PRKG1: variants seen among roughly 807,000 people sequenced by gnomAD.
PRKG1 encodes the protein protein kinase cGMP-dependent 1.
In PRKG1, 35 loss-of-function variants were observed where a neutral mutation model predicts 88.1. The ratio of observed to expected loss-of-function variants is 0.40; its 90% CI spans 0.30 to 0.53. PRKG1 has a LOEUF of 0.53. Among genes scored for constraint, PRKG1 ranks in the 20% least tolerant of loss-of-function variants. PRKG1 has a pLI of 0.59. For missense variants in PRKG1, 540 were observed against 839.8 expected (o/e 0.64, Z 4.41); for synonymous variants, 303 against 292.5 (o/e 1.04, Z -0.37).
At chr10:52,209,927 G>A (rs548797295) in intron 9 of PRKG1, among the ~76,000 whole-genome samples, 73 of 152,268 alleles carry the variant, frequency 4.8e-4, no homozygotes, top group African/African-American at 1.6e-3. Context: ...CGTATCTTGA[G>A]TAACCATTTG....
rs569042092 is a variant in PRKG1, at chr10:52,106,040, A to T, written c.936-27800A>T. 1.4e-3 allele frequency among the ~76,000 whole-genome samples: 218 copies of T among 152,260 alleles called. 3 individuals carry two copies. The highest frequency in any genetic ancestry group is 2.0e-3 in the Non-Finnish European group (139 of 68,024). ...TTATGCCTTTGCATCCTCATAGCTT[A>T]GCTCCTGCTTCTATGTGAGAACATG... is the stretch of plus-strand genomic sequence containing the variant. On this transcript the variant is annotated intron_variant, in intron 7 of 17. Transcript: ENST00000373980.
intron 5 of PRKG1, among the ~76,000 whole-genome samples, chr10:52,053,271 T>G: frequency 6.6e-6 from 1 of 152,128 alleles, no homozygotes; most frequent in East Asian, 1.9e-4. Context: ...ACTGAATTAC[T>G]TTTGAGTAAA....
intron 3 of PRKG1, among the ~76,000 whole-genome samples, chr10:51,536,813 G>A (rs1842165947): frequency 9.1e-6 from 1 of 110,392 alleles, no homozygotes; most frequent in Non-Finnish European, 1.7e-5. Flanking sequence ...CCCCCACCCT[G>A]CAACAGTCCC....
rs184853691 is a variant in PRKG1 at position 51,268,661 on chromosome 10, A to G, written c.478+115331A>G. Among the ~76,000 whole-genome samples the G allele has an allele frequency of 2.4e-3, 368 of 152,234 alleles. 2 individuals carry two copies. The highest frequency in any genetic ancestry group is 8.7e-3 in the African/African-American group (360 of 41,524). On this transcript the variant is annotated intron_variant, in intron 2 of 17. Coordinates refer to ENST00000373980, the MANE Select transcript of PRKG1 (RefSeq NM_006258.4). ...GGTGCCCAGATTTCATATTGTTTAAACACACATGCTCTACAAACAATTTGT... is the reference window on the plus strand; with the variant it reads ...GGTGCCCAGATTTCATATTGTTTAAGCACACATGCTCTACAAACAATTTGT...
In PRKG1 at chr10:51,150,809, T is replaced by C. The variant is rs1337367100; in HGVS notation, c.312-2355T>C. ...ATTCAGTGATAAACAGTTGGAAAGT[T>C]TGGATAATTCTAAGGAATTGTGTTA... is the stretch of plus-strand genomic sequence containing the variant. On this transcript the variant is annotated intron_variant, in intron 1 of 17. Coordinates refer to ENST00000373980, the MANE Select transcript of PRKG1 (RefSeq NM_006258.4). 2.0e-5 allele frequency among the ~76,000 whole-genome samples: 3 copies of C among 152,058 alleles called. No homozygotes were observed. The East Asian group carries it at 5.8e-4, about 29-fold the overall frequency.
chr10:51,153,761 G>GA, intron 2 of PRKG1, among the ~76,000 whole-genome samples: 1 of 151,998 alleles, frequency 6.6e-6, no homozygotes, highest in South Asian at 2.1e-4. Context: ...TCTGTAAAAA[G>GA]AAAATGTTTT....
chr10:52,204,207 T>A (rs938806312), intron 9 of PRKG1, among the ~76,000 whole-genome samples: 4 of 151,946 alleles, frequency 2.6e-5, no homozygotes, highest in African/African-American at 9.7e-5. Flanking sequence ...TTCCAGCAAT[T>A]CTGCCTCAGC....
chr10:51,130,415 A>G (rs375930773), intron 1 of PRKG1, among the ~76,000 whole-genome samples: 78 of 152,166 alleles, frequency 5.1e-4, no homozygotes, highest in Non-Finnish European at 9.6e-4. Context: ...CTAGCATGAC[A>G]TAAACAGTCT....
chr10:51,905,618 A>T, intron 4 of PRKG1, among the ~76,000 whole-genome samples: 1 of 152,170 alleles, frequency 6.6e-6, no homozygotes, highest in Middle Eastern at 3.4e-3. Flanking sequence ...TTTTATTTAA[A>T]GTTATTATAA....
chr10:51,082,721 A>AT (rs34372133), intron 1 of PRKG1, among the ~76,000 whole-genome samples: 25,803 of 148,228 alleles, frequency 0.17, 3,640 homozygotes, highest in African/African-American at 0.4. Context: ...GCATAGCTGG[A>AT]TTTTTTTTTT....
intron 3 of PRKG1, among the ~76,000 whole-genome samples, chr10:51,511,895 G>A (rs1474942427): frequency 2.0e-5 from 3 of 152,116 alleles, no homozygotes; most frequent in African/African-American, 4.8e-5. Context: ...AGTGATGGTC[G>A]AATATATAAA....
chr10:51,400,605 G>C (rs528594574), intron 2 of PRKG1, among the ~76,000 whole-genome samples: 14 of 152,304 alleles, frequency 9.2e-5, no homozygotes, highest in African/African-American at 3.4e-4. Context: ...AAGGGATTCA[G>C]TAAACAAATT....
intron 1 of PRKG1, among the ~76,000 whole-genome samples, chr10:51,147,420 T>C (rs1471988088): frequency 7.3e-6 from 1 of 136,850 alleles, no homozygotes; most frequent in Admixed American, 7.4e-5. Context: ...CGTTACTACA[T>C]GTCAACTAAA....
At chr10:52,164,569 A>G (rs926276668) in intron 9 of PRKG1, among the ~76,000 whole-genome samples, 1 of 152,102 alleles carries the variant, frequency 6.6e-6, no homozygotes, top group African/African-American at 2.4e-5. Flanking sequence ...TGCCTAGAAA[A>G]CATTCATAAA....
chr10:51,729,189 G>T lies in PRKG1; in HGVS notation c.593-75396G>T, dbSNP rs914774397. 2.6e-5 allele frequency among the ~76,000 whole-genome samples: 4 copies of T among 152,188 alleles called. No individual in the cohort carries two copies. The East Asian group carries it at 7.7e-4, about 29-fold the overall frequency. On this transcript the variant is annotated intron_variant, in intron 3 of 17. Coordinates refer to ENST00000373980, the MANE Select transcript of PRKG1 (RefSeq NM_006258.4). ...GTTGTGAACTGTCCATTTGTCTTATGCAAGAAAGTCTCTTCAGCTTTCTGA... is the reference window on the plus strand; with the variant it reads ...GTTGTGAACTGTCCATTTGTCTTATTCAAGAAAGTCTCTTCAGCTTTCTGA...
chr10:51,409,697 G>C (rs1375791995), intron 2 of PRKG1, among the ~76,000 whole-genome samples: 1 of 151,398 alleles, frequency 6.6e-6, no homozygotes, highest in African/African-American at 2.4e-5. Flanking sequence ...TACTAAAAAT[G>C]CAAAAAAATT....
chr10:51,267,040 TCACCAACTC>T (rs1839853766), intron 2 of PRKG1, among the ~76,000 whole-genome samples: 1 of 152,176 alleles, frequency 6.6e-6, no homozygotes, highest in African/African-American at 2.4e-5. Flanking sequence ...TCAATGCTCG[TCACCAACTC>T]CACTAACCAT....
At chr10:51,105,004 A>G (rs1272309149) in intron 1 of PRKG1, among the ~76,000 whole-genome samples, 1 of 152,008 alleles carries the variant, frequency 6.6e-6, no homozygotes, top group Non-Finnish European at 1.5e-5. Context: ...TGCTGGGATT[A>G]CAGGCATGGG....
chr10:51,419,741 C>A (rs1392129671), intron 2 of PRKG1, among the ~76,000 whole-genome samples: 1 of 149,776 alleles, frequency 6.7e-6, no homozygotes, highest in Non-Finnish European at 1.5e-5. Context: ...GATGTGGAAC[C>A]AAAAAAACGC....
Sources: gnomAD v4.1 joint callset for allele counts (sites outside exome capture counted in the v4.1 genomes callset) on GRCh38, gnomAD v4.1.1 for gene constraint, MANE v1.5 for transcripts, NCBI Gene and HGNC (gene_info 2026-07-23, HGNC 2026-07-21) for gene names.